Variants in DPPA2 observed in about 807,000 individuals in gnomAD.
The protein encoded by DPPA2 is developmental pluripotency-associated protein 2.
In DPPA2, 26 loss-of-function variants were observed where a neutral mutation model predicts 36.2. The ratio of observed to expected loss-of-function variants is 0.72; its 90% confidence interval spans 0.53 to 1.00. DPPA2 has a LOEUF of 1.00. DPPA2 is among the 50% of genes least tolerant of loss of function. The pLI, the probability that DPPA2 is intolerant of heterozygous loss-of-function variation, is 0.00. For synonymous variants in DPPA2, 113 were observed against 123.2 expected, an observed-to-expected ratio of 0.92 and a Z score of 0.55; for missense variants, 361 against 365.1, an observed-to-expected ratio of 0.99 and a Z score of 0.09.
chr3:109,301,603 G>T (rs1707458187), intron 7 of DPPA2, among the ~76,000 whole-genome samples: 1 of 151,794 alleles, frequency 6.6e-6, no homozygotes, highest in African/African-American at 2.4e-5. Flanking sequence ...AGTGAGCAGA[G>T]ATCATGCCAC....
intron 6 of DPPA2, among the ~76,000 whole-genome samples, chr3:109,306,428 A>G (rs1211608567): frequency 1.3e-5 from 2 of 152,192 alleles, no homozygotes; most frequent in African/African-American, 2.4e-5. Flanking sequence ...GGATATGCCA[A>G]TTTCAACTTC....
intron 3 of DPPA2, 52 bp downstream of exon 3, chr3:109,312,493 G>A (rs1707727817): frequency 2.6e-6 from 4 of 1,557,396 alleles, no homozygotes; most frequent in Non-Finnish European, 3.5e-6. Context: ...ACTTTTTCCT[G>A]GGCTTCCCAG....
At chr3:109,310,489 C>G (rs1471104289) in intron 3 of DPPA2, among the ~76,000 whole-genome samples, 1 of 149,050 alleles carries the variant, frequency 6.7e-6, no homozygotes, top group Non-Finnish European at 1.5e-5. Context: ...ACCTGGGACT[C>G]AAACCTATGT....
At chr3:109,305,226 T>A (rs57404322) in intron 6 of DPPA2, among the ~76,000 whole-genome samples, 3,702 of 152,242 alleles carry the variant, frequency 0.024, 158 homozygotes, top group African/African-American at 0.085. Flanking sequence ...TTGTTTTGTG[T>A]CCAATATTTT....
chr3:109,304,638 G>C lies in DPPA2; in HGVS notation c.691C>G (p.Leu231Val). Residue 231 changes from leucine to valine, a missense_variant, in exon 7 of 9, where the codon CTC becomes GTC. Leu to Val is a conservative substitution (Grantham distance 32). Coordinates refer to ENST00000478945, the MANE Select transcript of DPPA2 (RefSeq NM_138815.4). ...VRWCVVHGRLLSADTKGWVRL... is the reference protein window; with the variant it reads ...VRWCVVHGRLVSADTKGWVRL... The stretch of plus-strand genomic sequence containing the variant: ...ACCCAACCCTTTGTGTCTGCCGAGA[G>C]AAGTCTGCCATGGACCACACACCAC... The C allele has an allele frequency of 6.2e-7, 1 of 1,612,142 alleles. No individual in the cohort carries two copies. The highest frequency in any genetic ancestry group is 8.5e-7 in the Non-Finnish European group (1 of 1,179,328).
At chr3:109,303,345 C>T (rs934109295) in intron 7 of DPPA2, among the ~76,000 whole-genome samples, 1 of 152,064 alleles carries the variant, frequency 6.6e-6, no homozygotes, top group African/African-American at 2.4e-5. Flanking sequence ...TAGATTCTTC[C>T]CATATATTTT....
At position 109,304,620 on chromosome 3, in the gene DPPA2, C is replaced by T. The variant is rs1010140241; in HGVS notation, c.709G>A (p.Gly237Ser). Residue 237 changes from glycine (G) to serine (S), a missense_variant, in exon 7 of 9, where the codon GGT (glycine) becomes AGT (serine). Physicochemically the swap from Gly to Ser is moderately conservative, Grantham distance 56. Transcript: ENST00000478945. ...GCATGAAACTGCAGGCGTACCCAAC[C>T]CTTTGTGTCTGCCGAGAGAAGTCTG... ...HGRLLSADTK[G>S]WVRLQFHAGQ... 52 of 1,613,288 alleles carry T rather than the reference C, an allele frequency of 3.2e-5. No individual in the cohort carries two copies. The highest frequency in any genetic ancestry group is 1.0e-4 in the Admixed American group (6 of 59,782).
rs1707429847 is a variant in DPPA2, at chr3:109,299,956, T to A, written c.*22+415A>T. On this transcript the variant is annotated intron_variant, in intron 8 of 8. Coordinates refer to ENST00000478945, the MANE Select transcript of DPPA2 (RefSeq NM_138815.4). ...AATTGTAAAAAATGTAGCACACTAA[T>A]GCAAGTTACTAACAGAGGAAAATGG... is the stretch of plus-strand genomic sequence containing the variant. 3.9e-5 allele frequency among the ~76,000 whole-genome samples: 6 copies of A among 152,096 alleles called. No homozygotes were observed. In the South Asian group the frequency reaches 1.2e-3, roughly 32 times the overall value.
At chr3:109,299,508 C>G (rs915673055) in intron 8 of DPPA2, among the ~76,000 whole-genome samples, 2 of 151,014 alleles carry the variant, frequency 1.3e-5, no homozygotes, top group Admixed American at 6.6e-5. Context: ...CAGAGTGAGA[C>G]TCTGTCTCAA....
chr3:109,311,942 A>C (rs1347033549), intron 3 of DPPA2, among the ~76,000 whole-genome samples: 1 of 152,148 alleles, frequency 6.6e-6, no homozygotes, highest in African/African-American at 2.4e-5. Flanking sequence ...TTTTTATAGA[A>C]GAGGAGATTG....
At chr3:109,316,147 C>G (rs1707780398) in intron 1 of DPPA2, 137 bp downstream of exon 1, 1 of 152,602 alleles carries the variant, frequency 6.6e-6, no homozygotes, top group African/African-American at 2.4e-5. Flanking sequence ...CAGCCTCGAC[C>G]TCCTGGACTC....
At position 109,308,126 on chromosome 3, in the gene DPPA2, T is replaced by C. The variant is rs920807020; in HGVS notation, c.564A>G (p.Ser188=). ...CAGCTCTTGCAGCAATTCTTGCCCA[T>C]GATGCCAACATGGCTCCCGGTGCTG... ...ITSAPGAMLA[S]WARIAARAVQ... is the part of the protein sequence containing the mutation. The change falls in exon 6 of 9, where the codon TCA becomes TCG. Residue 188 remains serine, a synonymous_variant. Transcript: ENST00000478945. The C allele has an allele frequency of 6.2e-7, 1 of 1,614,104 alleles. No individual in the cohort carries two copies. The highest frequency in any genetic ancestry group is 1.3e-5 in the African/African-American group (1 of 74,944).
intron 2 of DPPA2, among the ~76,000 whole-genome samples, chr3:109,313,992 C>T (rs1310308242): frequency 1.3e-5 from 2 of 152,034 alleles, no homozygotes; most frequent in East Asian, 1.9e-4. Context: ...CCAGGACTAC[C>T]CAAGCCTAAT....
intron 8 of DPPA2, among the ~76,000 whole-genome samples, chr3:109,296,408 C>T (rs1707351918): frequency 6.6e-6 from 1 of 152,230 alleles, no homozygotes; most frequent in Non-Finnish European, 1.5e-5. Flanking sequence ...GGCGTGGTGG[C>T]TCACGCCTGT....
intron 4 of DPPA2, 40 bp from the exon 5 acceptor site, chr3:109,309,119 A>G (rs759234368): frequency 6.2e-7 from 1 of 1,614,126 alleles, no homozygotes; most frequent in South Asian, 1.1e-5. Flanking sequence ...AAAGTTGACA[A>G]AGACTCCCAT....
chr3:109,310,536 C>G (rs868280477), intron 3 of DPPA2, among the ~76,000 whole-genome samples: 1 of 149,842 alleles, frequency 6.7e-6, no homozygotes, highest in Non-Finnish European at 1.5e-5. Flanking sequence ...GACGGAGTTT[C>G]GCTCTATTGC....
chr3:109,307,971 G>T, intron 6 of DPPA2, 61 bp downstream of exon 6: 2 of 1,561,004 alleles, frequency 1.3e-6, no homozygotes, highest in South Asian at 1.2e-5. Context: ...TTTCAGTCTT[G>T]GACTAATAAA....
rs746920221 is a variant in DPPA2, at chr3:109,309,102, TAAGTTA to T, written c.343-29_343-24del. On this transcript the variant is annotated intron_variant, in intron 4 of 8. Transcript: ENST00000478945. ...TTTCTTAGGAAATGAAGAGAGAGATTAAGTTAAAAGTTGACAAAGACTCCCATAATT... is the reference window on the plus strand; with the variant it reads ...TTTCTTAGGAAATGAAGAGAGAGATTAAAGTTGACAAAGACTCCCATAATT... The T allele has an allele frequency of 1.9e-6, 3 of 1,613,928 alleles. No individual in the cohort carries two copies. The Admixed American group carries it at 5.0e-5, about 27-fold the overall frequency.
At chr3:109,302,332 C>T (rs1707469654) in intron 7 of DPPA2, among the ~76,000 whole-genome samples, 1 of 152,192 alleles carries the variant, frequency 6.6e-6, no homozygotes, top group South Asian at 2.1e-4. Context: ...GCTCTCATTA[C>T]TCCTACATCT....
Sources: gnomAD v4.1 joint callset for allele counts (sites outside exome capture counted in the v4.1 genomes callset) on GRCh38, gnomAD v4.1.1 for gene constraint, MANE v1.5 for transcripts, NCBI Gene and HGNC (gene_info 2026-07-23, HGNC 2026-07-21) for gene names.